The following MACROD2 variants were observed in gnomAD, a reference collection of about 807,000 sequenced individuals.
The protein encoded by MACROD2 is mono-ADP ribosylhydrolase 2.
Under a neutral mutation model 70.4 loss-of-function variants are expected in MACROD2, and 36 were observed. The ratio of observed to expected loss-of-function variants is 0.51; its 90% CI spans 0.39 to 0.68. The LOEUF is 0.68. Ranked by LOEUF, MACROD2 falls within the 30% of genes least tolerant of loss-of-function variation. The pLI is 0.00. For synonymous variants in MACROD2, 172 were observed against 178.8 expected (o/e 0.96, Z 0.30); for missense variants, 496 against 538.4 (o/e 0.92, Z 0.78).
At chr20:14,519,387 T>C (rs1568651088) in intron 4 of MACROD2, among the ~76,000 whole-genome samples, 1 of 151,882 alleles carries the variant, frequency 6.6e-6, no homozygotes, top group South Asian at 2.1e-4. Flanking sequence ...CACCATGAAA[T>C]TGCACAAACT....
chr20:14,591,029 A>G (rs1466382346), intron 4 of MACROD2, among the ~76,000 whole-genome samples: 2 of 152,162 alleles, frequency 1.3e-5, no homozygotes, highest in Non-Finnish European at 2.9e-5. Flanking sequence ...ACGAAACTGT[A>G]TTTTTCTACC....
At chr20:15,563,045 T>C (rs907713996) in intron 8 of MACROD2, among the ~76,000 whole-genome samples, 5 of 152,230 alleles carry the variant, frequency 3.3e-5, no homozygotes, top group Non-Finnish European at 7.3e-5. Context: ...CCTGATGCTA[T>C]GGCTGGCAGA....
At chr20:15,393,374 T>C (rs388349) in intron 6 of MACROD2, among the ~76,000 whole-genome samples, 146,385 of 152,328 alleles carry the variant, frequency 0.96, 70,394 homozygotes, top group East Asian at 1. Flanking sequence ...CCAGATGTTT[T>C]TGTTTCTGCT....
chr20:15,540,432 T>C (rs1252526254), intron 8 of MACROD2, among the ~76,000 whole-genome samples: 1 of 152,100 alleles, frequency 6.6e-6, no homozygotes, highest in Non-Finnish European at 1.5e-5. Context: ...GAAGGAAGTG[T>C]GGCCAAGGAA....
At chr20:14,366,197 A>G (rs140817784) in intron 3 of MACROD2, among the ~76,000 whole-genome samples, 2 of 152,142 alleles carry the variant, frequency 1.3e-5, no homozygotes, top group Non-Finnish European at 1.5e-5. Flanking sequence ...AAAGCAGTGC[A>G]TGGATGTCTT....
intron 3 of MACROD2, among the ~76,000 whole-genome samples, chr20:14,118,086 GT>G (rs1471487684): frequency 6.6e-6 from 1 of 152,146 alleles, no homozygotes; most frequent in Non-Finnish European, 1.5e-5. Flanking sequence ...AATGAATATT[GT>G]TTTAAGCTGT....
chr20:15,347,986 C>A (rs983116011), intron 6 of MACROD2, among the ~76,000 whole-genome samples: 3 of 152,220 alleles, frequency 2.0e-5, no homozygotes, highest in African/African-American at 7.2e-5. Context: ...ATGTCAAAGA[C>A]TACAACGTAC....
At chr20:15,458,629 T>G (rs558971721) in intron 7 of MACROD2, among the ~76,000 whole-genome samples, 2 of 146,880 alleles carry the variant, frequency 1.4e-5, no homozygotes, top group East Asian at 2.0e-4. Context: ...GTTTTTTTGT[T>G]TTTTTTTTTT....
chr20:14,990,725 G>A (rs1288245319), intron 5 of MACROD2, among the ~76,000 whole-genome samples: 1 of 151,868 alleles, frequency 6.6e-6, no homozygotes, highest in Admixed American at 6.6e-5. Context: ...TATTGGCCAG[G>A]CTGGTCTTGA....
intron 8 of MACROD2, among the ~76,000 whole-genome samples, chr20:15,555,642 A>G (rs1211404222): frequency 6.6e-6 from 1 of 151,984 alleles, no homozygotes; most frequent in Admixed American, 6.6e-5. Context: ...TGACATTAGA[A>G]ATAACCAGCA....
chr20:14,132,043 A>G (rs2054725181), intron 3 of MACROD2, among the ~76,000 whole-genome samples: 1 of 147,448 alleles, frequency 6.8e-6, no homozygotes, highest in Non-Finnish European at 1.5e-5. Flanking sequence ...AGGCGGGAGA[A>G]TGGTGTGAAC....
intron 2 of MACROD2, among the ~76,000 whole-genome samples, chr20:14,064,836 A>G (rs2053737039): frequency 6.6e-6 from 1 of 152,248 alleles, no homozygotes; most frequent in South Asian, 2.1e-4. Context: ...ATACTAAATG[A>G]AGAACATTTG....
intron 12 of MACROD2, among the ~76,000 whole-genome samples, chr20:15,963,712 G>A (rs1023529346): frequency 4.6e-5 from 7 of 151,760 alleles, no homozygotes; most frequent in Admixed American, 1.3e-4. Flanking sequence ...GTGTAGATAC[G>A]TGTAATTGAC....
At chr20:15,044,829 G>A (rs1390045020) in intron 5 of MACROD2, among the ~76,000 whole-genome samples, 1 of 152,086 alleles carries the variant, frequency 6.6e-6, no homozygotes, top group Non-Finnish European at 1.5e-5. Flanking sequence ...GTTTGAAAGT[G>A]CCATTTATTT....
chr20:15,357,919 G>C (rs1450941458), intron 6 of MACROD2, among the ~76,000 whole-genome samples: 1 of 150,668 alleles, frequency 6.6e-6, no homozygotes, highest in Non-Finnish European at 1.5e-5. Flanking sequence ...CCATTCTCCT[G>C]CCTCAGCCTC....
At chr20:15,160,772 T>C (rs529075169) in intron 5 of MACROD2, among the ~76,000 whole-genome samples, 1 of 152,242 alleles carries the variant, frequency 6.6e-6, no homozygotes, top group Non-Finnish European at 1.5e-5. Flanking sequence ...GGGTCCATTT[T>C]TTTCTGGATA....
chr20:14,209,918 C>G (rs1232057663), intron 3 of MACROD2, among the ~76,000 whole-genome samples: 1 of 152,252 alleles, frequency 6.6e-6, no homozygotes, highest in Non-Finnish European at 1.5e-5. Context: ...TTTGTGGCTA[C>G]TCACTATTAT....
chr20:14,174,621 C>T (rs2081248747), intron 3 of MACROD2, among the ~76,000 whole-genome samples: 1 of 152,206 alleles, frequency 6.6e-6, no homozygotes, highest in African/African-American at 2.4e-5. Context: ...TTTCAAGTTT[C>T]ATGCCTCCCC....
rs534644631 is a variant in MACROD2 at position 14,371,809 on chromosome 20, G to A, written c.272-121670G>A. ...TGCCTAGGTTCTCTCTTCCATGATT[G>A]CTCTTTTCTTTTCTTTTCTTTTTTT... is the stretch of plus-strand genomic sequence containing the variant. On this transcript the variant is annotated intron_variant, in intron 3 of 17. Coordinates refer to ENST00000684519, the MANE Select transcript of MACROD2 (RefSeq NM_001351661.2). 1.1e-4 allele frequency among the ~76,000 whole-genome samples: 16 copies of A among 151,898 alleles called. No homozygotes were observed. The South Asian group carries it at 3.1e-3, about 30-fold the overall frequency.
Sources: allele counts gnomAD v4.1 joint callset (sites outside exome capture counted in the v4.1 genomes callset), GRCh38; gene constraint gnomAD v4.1.1; transcripts MANE v1.5; gene names NCBI Gene and HGNC (gene_info 2026-07-23, HGNC 2026-07-21).